CPA6: variants seen among roughly 807,000 people sequenced by gnomAD.
The protein encoded by CPA6 is carboxypeptidase A6.
In CPA6, 58 loss-of-function variants were observed where a neutral mutation model predicts 63.3. The ratio of observed to expected loss-of-function variants is 0.92; its 90% CI spans 0.74 to 1.14. The LOEUF is 1.14. Among genes scored for constraint, CPA6 ranks in the 50% most tolerant of loss-of-function variants. The pLI is 0.00. For synonymous variants in CPA6, 185 were observed against 179.0 expected (o/e 1.03, Z -0.27); for missense variants, 565 against 526.6 (o/e 1.07, Z -0.71).
chr8:67,717,980 G>A (rs1252576317), intron 1 of CPA6, among the ~76,000 whole-genome samples: 1 of 152,120 alleles, frequency 6.6e-6, no homozygotes, highest in Non-Finnish European at 1.5e-5. Context: ...GTGGAAGCAG[G>A]CTTTCGGGAG....
chr8:67,426,040 G>T (rs1398330214), intron 10 of CPA6, among the ~76,000 whole-genome samples: 1 of 151,964 alleles, frequency 6.6e-6, no homozygotes, highest in African/African-American at 2.4e-5. Context: ...GTGATTACAG[G>T]CACCCGCTAC....
rs552720738 is a variant in CPA6 at position 67,541,850 on chromosome 8, G to A, written c.193-23803C>T. ...CATCCTCTGTCTAACCAGTCCCAAT[G>A]AGAGGAACCAGGTACCTCAGTTGGA... On this transcript the variant is annotated intron_variant, in intron 2 of 10. Transcript: ENST00000297770. Among the ~76,000 whole-genome samples the A allele has an allele frequency of 2.6e-5, 4 of 152,340 alleles. No homozygotes were observed. The South Asian group carries it at 8.3e-4, about 32-fold the overall frequency.
At chr8:67,616,262 C>A (rs756167511) in intron 2 of CPA6, among the ~76,000 whole-genome samples, 1 of 152,174 alleles carries the variant, frequency 6.6e-6, no homozygotes, top group Non-Finnish European at 1.5e-5. Flanking sequence ...ATGGTGAACA[C>A]TTAAAAGGTT....
intron 1 of CPA6, among the ~76,000 whole-genome samples, chr8:67,733,358 GA>G (rs1267962138): frequency 1.1e-4 from 16 of 152,180 alleles, no homozygotes; most frequent in African/African-American, 1.4e-4. Context: ...AGGTGGTGCT[GA>G]TGTTGCTGGT....
intron 8 of CPA6, among the ~76,000 whole-genome samples, chr8:67,435,538 C>A (rs1810131276): frequency 6.6e-6 from 1 of 152,092 alleles, no homozygotes; most frequent in African/African-American, 2.4e-5. Flanking sequence ...TTCCTTGGTG[C>A]CCCGCCCTTT....
At chr8:67,685,168 AGCTGGGTGCTTTTTG>A (rs1258783275) in intron 1 of CPA6, among the ~76,000 whole-genome samples, 1 of 152,222 alleles carries the variant, frequency 6.6e-6, no homozygotes, top group East Asian at 1.9e-4. Context: ...ACACCCAAGA[AGCTGGGTGCTTTTTG>A]GCTGGGTATC....
chr8:67,509,535 T>A lies in CPA6; in HGVS notation c.516A>T (p.Arg172Ser). The change falls in exon 5 of 11, where the codon AGA becomes AGT. Residue 172 changes from arginine to serine, a missense_variant. Physicochemically the swap from Arg to Ser is moderately radical, Grantham distance 110. Transcript: ENST00000297770. ...TTTTTACCTTTAAAATAAAAAGAGA[T>A]CTTCCCTCATATGATCTTCCAATAG... ...MFSIGRSYEG[R>S]SLFILKLGRR... The A allele has an allele frequency of 6.4e-7, 1 of 1,554,426 alleles. No individual in the cohort carries two copies. Among genetic ancestry groups the A allele is most frequent in the Middle Eastern group, 1.7e-4 (1 of 5,912 alleles).
At chr8:67,543,265 T>C (rs1587541213) in intron 2 of CPA6, among the ~76,000 whole-genome samples, 1 of 152,248 alleles carries the variant, frequency 6.6e-6, no homozygotes, top group South Asian at 2.1e-4. Context: ...AAGTCACTTA[T>C]GTTTTTGTTT....
intron 1 of CPA6, among the ~76,000 whole-genome samples, chr8:67,663,717 G>A (rs1314439509): frequency 6.6e-5 from 10 of 152,034 alleles, no homozygotes; most frequent in African/African-American, 1.7e-4. Flanking sequence ...CCTTTTTTAC[G>A]GCTGCATAGG....
chr8:67,541,193 C>G (rs1381120987), intron 2 of CPA6, among the ~76,000 whole-genome samples: 2 of 152,144 alleles, frequency 1.3e-5, no homozygotes, highest in African/African-American at 4.8e-5. Context: ...AGGGAATCTC[C>G]TGGTCTGTGG....
intron 2 of CPA6, among the ~76,000 whole-genome samples, chr8:67,535,637 T>G (rs1812569082): frequency 6.6e-6 from 1 of 152,228 alleles, no homozygotes; most frequent in South Asian, 2.1e-4. Context: ...TGCAAAAATT[T>G]TCTCCCATTC....
At chr8:67,606,536 C>T (rs998784050) in intron 2 of CPA6, among the ~76,000 whole-genome samples, 1 of 152,102 alleles carries the variant, frequency 6.6e-6, no homozygotes, top group Admixed American at 6.5e-5. Context: ...CCCCCTGCAG[C>T]CTCCCTTTTA....
At chr8:67,674,137 C>T (rs1816417387) in intron 1 of CPA6, among the ~76,000 whole-genome samples, 1 of 152,192 alleles carries the variant, frequency 6.6e-6, no homozygotes, top group Non-Finnish European at 1.5e-5. Context: ...GTTGTCATGA[C>T]ATGACAGAGA....
chr8:67,722,366 A>T (rs564986754), intron 1 of CPA6, among the ~76,000 whole-genome samples: 1 of 152,336 alleles, frequency 6.6e-6, no homozygotes, highest in South Asian at 2.1e-4. Flanking sequence ...AATTCAGTAC[A>T]TCTGGGGCAA....
At chr8:67,735,246 C>A (rs921188042) in intron 1 of CPA6, 1 of 152,226 alleles carries the variant, frequency 6.6e-6, no homozygotes, top group East Asian at 1.9e-4. Flanking sequence ...ACTGTCGTTT[C>A]CTCTGCAAGA....
chr8:67,546,730 A>G (rs1007187676), intron 2 of CPA6, among the ~76,000 whole-genome samples: 1 of 152,188 alleles, frequency 6.6e-6, no homozygotes, highest in African/African-American at 2.4e-5. Flanking sequence ...TGTGTTGCCC[A>G]GGCTGGCCTC....
intron 2 of CPA6, among the ~76,000 whole-genome samples, chr8:67,558,207 C>T (rs1370057731): frequency 6.6e-6 from 1 of 152,212 alleles, no homozygotes; most frequent in Non-Finnish European, 1.5e-5. Context: ...CTTTGCATAG[C>T]TAACTTTCTT....
chr8:67,431,801 A>G (rs1045445276), intron 9 of CPA6, among the ~76,000 whole-genome samples: 1 of 152,040 alleles, frequency 6.6e-6, no homozygotes, highest in African/African-American at 2.4e-5. Flanking sequence ...TTTGCTCAGA[A>G]TTCTTGGAAT....
chr8:67,720,676 A>G (rs1210622128), intron 1 of CPA6, among the ~76,000 whole-genome samples: 1 of 152,210 alleles, frequency 6.6e-6, no homozygotes, highest in East Asian at 1.9e-4. Context: ...TAACAAAAGT[A>G]AAGAGCTGTC....
Sources: gnomAD v4.1 joint callset for allele counts (sites outside exome capture counted in the v4.1 genomes callset) on GRCh38, gnomAD v4.1.1 for gene constraint, MANE v1.5 for transcripts, NCBI Gene and HGNC (gene_info 2026-07-23, HGNC 2026-07-21) for gene names.